The following EHF variants were observed in gnomAD, a reference collection of about 807,000 sequenced individuals.
EHF encodes the protein ESE3 transcription factor.
EHF carries 14 observed loss-of-function variants against 45.1 expected under a neutral mutation model. That is an observed-to-expected ratio of 0.31 (90% CI 0.21 to 0.49). EHF has a LOEUF of 0.49. Among genes scored for constraint, EHF ranks in the 20% least tolerant of loss-of-function variants. The pLI is 0.99. For synonymous variants in EHF, 136 were observed against 131.8 expected (o/e 1.03, Z -0.22); for missense variants, 282 against 371.4 (o/e 0.76, Z 1.98).
chr11:34,654,079 T>A (rs561827890), intron 6 of EHF, among the ~76,000 whole-genome samples: 15 of 152,332 alleles, frequency 9.8e-5, no homozygotes, highest in African/African-American at 3.6e-4. Context: ...ACACTGAAAT[T>A]TGTATATCCC....
At chr11:34,624,753 G>T (rs1188020979) in intron 1 of EHF, among the ~76,000 whole-genome samples, 1 of 152,220 alleles carries the variant, frequency 6.6e-6, no homozygotes. Flanking sequence ...TTATTCTTCA[G>T]AGGGGGGTGG....
chr11:34,635,826 A>G (rs1290406491), intron 1 of EHF, among the ~76,000 whole-genome samples: 3 of 150,882 alleles, frequency 2.0e-5, no homozygotes, highest in Non-Finnish European at 4.4e-5. Flanking sequence ...CAATGTGTCT[A>G]GTGAGAGGAA....
At chr11:34,640,967 C>T (rs1332479229) in intron 1 of EHF, among the ~76,000 whole-genome samples, 1 of 152,156 alleles carries the variant, frequency 6.6e-6, no homozygotes, top group Non-Finnish European at 1.5e-5. Context: ...CTGCATTTTG[C>T]ATATGAGAAA....
Position 34,646,556 on chromosome 11 carries a change from G to T in EHF, c.215G>T (p.Cys72Phe). 2 of 1,613,856 alleles carry T rather than the reference G, an allele frequency of 1.2e-6. No homozygotes were observed. The highest frequency in any genetic ancestry group is 1.7e-6 in the Non-Finnish European group (2 of 1,179,882). ...LLDTNQLDAN[C>F]IPFQEFDING... ...GACACCAACCAGCTGGATGCCAATT[G>T]TATCCCTTTCCAAGAGTTCGACATC... is the stretch of plus-strand genomic sequence containing the variant. The change falls in exon 3 of 9, where the codon TGT becomes TTT. Residue 72 changes from cysteine to phenylalanine, a missense_variant. Cys to Phe is a radical substitution (Grantham distance 205, BLOSUM62 -2). Transcript: ENST00000257831.
At chr11:34,651,882 T>C in intron 6 of EHF, 77 bp downstream of exon 6, 2 of 1,352,498 alleles carry the variant, frequency 1.5e-6, no homozygotes, top group Non-Finnish European at 2.1e-6. Flanking sequence ...ACACTCTACA[T>C]TTCTGCCTTT....
Position 34,659,014 on chromosome 11 carries a change from A to G in EHF, c.*83A>G. 9.3e-7 allele frequency: 1 copy of G among 1,069,952 alleles called. No individual in the cohort carries two copies. Among genetic ancestry groups the G allele is most frequent in the Non-Finnish European group, 1.3e-6 (1 of 743,568 alleles). 66.3% of individuals were successfully genotyped at this position (1,069,952 alleles called of 1,614,324 possible). A position where few individuals can be genotyped will look rare whatever the true frequency, so the allele number is the denominator to read the frequency against. On this transcript the variant is annotated 3_prime_UTR_variant, in exon 9 of 9. Transcript: ENST00000257831. ...ACTCCTGGACGTAAATATTTCAAAGACTACTTTTCTCTGATATTTATGTAC... is the reference window on the plus strand; with the variant it reads ...ACTCCTGGACGTAAATATTTCAAAGGCTACTTTTCTCTGATATTTATGTAC...
Position 34,635,158 on chromosome 11 carries a change from A to AT in EHF, c.-3-7465dup, listed in dbSNP as rs1163945331. ...TTACTATAATATAGTTATTATTATT[A>AT]TTTTTAAAGTGTTTAATCCTGAGTC... On this transcript the variant is annotated intron_variant, in intron 1 of 8. Coordinates refer to ENST00000257831, the MANE Select transcript of EHF (RefSeq NM_012153.6). 2.0e-5 allele frequency among the ~76,000 whole-genome samples: 3 copies of AT among 152,148 alleles called. No individual in the cohort carries two copies. The East Asian group carries it at 5.8e-4, about 29-fold the overall frequency.
intron 1 of EHF, among the ~76,000 whole-genome samples, chr11:34,629,698 G>A (rs1852694240): frequency 6.6e-6 from 1 of 152,154 alleles, no homozygotes; most frequent in Admixed American, 6.5e-5. Flanking sequence ...CTTTGCCTGA[G>A]GGATGGAATT....
chr11:34,654,518 C>G (rs1483823568), intron 6 of EHF, among the ~76,000 whole-genome samples: 1 of 152,152 alleles, frequency 6.6e-6, no homozygotes, highest in Admixed American at 6.5e-5. Context: ...ACTGCTTATT[C>G]CCCTTTATGA....
chr11:34,637,889 C>T (rs953664486), intron 1 of EHF, among the ~76,000 whole-genome samples: 1 of 146,608 alleles, frequency 6.8e-6, no homozygotes, highest in Non-Finnish European at 1.5e-5. Context: ...ATCTACATTT[C>T]ATTTCACTCC....
chr11:34,623,098 GT>G (rs201996338), intron 1 of EHF, among the ~76,000 whole-genome samples: 71 of 151,060 alleles, frequency 4.7e-4, no homozygotes, highest in African/African-American at 1.7e-3. Context: ...ATCCTTTTTG[GT>G]TTTTTTTTGA....
At chr11:34,655,016 G>A (rs937700671) in intron 6 of EHF, among the ~76,000 whole-genome samples, 2 of 152,154 alleles carry the variant, frequency 1.3e-5, no homozygotes, top group African/African-American at 2.4e-5. Context: ...CTTGGAAACC[G>A]GGGTGGATGC....
At chr11:34,648,493 A>G (rs1011519113) in intron 3 of EHF, among the ~76,000 whole-genome samples, 1 of 152,198 alleles carries the variant, frequency 6.6e-6, no homozygotes, top group African/African-American at 2.4e-5. Context: ...CATTTTATCC[A>G]GACATATCTC....
intron 2 of EHF, 79 bp from the exon 3 acceptor site, chr11:34,646,360 C>CCAA: frequency 6.3e-7 from 1 of 1,585,310 alleles, no homozygotes; most frequent in Non-Finnish European, 8.6e-7. Context: ...TATCTGGCAG[C>CCAA]CAACAGTACA....
At chr11:34,634,191 T>TG in intron 1 of EHF, among the ~76,000 whole-genome samples, 1 of 71,774 alleles carries the variant, frequency 1.4e-5, no homozygotes. Flanking sequence ...TGTACATGGA[T>TG]TTTTTTTTCT....
At position 34,651,629 on chromosome 11, in the gene EHF, C is replaced by T. The variant is rs1464248014; in HGVS notation, c.475+19C>T. 2 of 1,611,158 alleles carry T rather than the reference C, an allele frequency of 1.2e-6. No homozygotes were observed. The highest frequency in any genetic ancestry group is 1.7e-6 in the Non-Finnish European group (2 of 1,177,334). ...ACAGTAGGTAACTAACTCCCTGACA[C>T]TTAAGGCCCTTTACATTCTTATTCA... On this transcript the variant is annotated intron_variant, in intron 5 of 8. Transcript: ENST00000257831.
In EHF at chr11:34,632,781, T is replaced by C. The variant is rs563083540; in HGVS notation, c.-3-9847T>C. The stretch of plus-strand genomic sequence containing the variant: ...GGAGCCACTATTATTTTGGAAGCCG[T>C]GTCCTTGTGAATAGTCCATCAGGGT... On this transcript the variant is annotated intron_variant, in intron 1 of 8. Transcript: ENST00000257831. The C allele has an allele frequency of 1.1e-4, 128 of 1,134,010 alleles. No individual in the cohort carries two copies. In the East Asian group the frequency reaches 2.7e-3, roughly 24 times the overall value. 70.2% of individuals were successfully genotyped at this position (1,134,010 alleles called of 1,614,324 possible). A position where few individuals can be genotyped will look rare whatever the true frequency, so the allele number is the denominator to read the frequency against.
intron 1 of EHF, among the ~76,000 whole-genome samples, chr11:34,635,219 C>T (rs1853266514): frequency 6.6e-6 from 1 of 152,082 alleles, no homozygotes; most frequent in Admixed American, 6.5e-5. Flanking sequence ...GAAAGACCTC[C>T]CTCCAGCTGA....
intron 7 of EHF, among the ~76,000 whole-genome samples, chr11:34,657,748 C>G (rs1304837785): frequency 6.6e-6 from 1 of 151,486 alleles, no homozygotes; most frequent in Non-Finnish European, 1.5e-5. Context: ...TGTAATTGCA[C>G]CACTGTACTC....
Sources: gnomAD v4.1 joint callset for allele counts (sites outside exome capture counted in the v4.1 genomes callset) on GRCh38, gnomAD v4.1.1 for gene constraint, MANE v1.5 for transcripts, NCBI Gene and HGNC (gene_info 2026-07-23, HGNC 2026-07-21) for gene names.